PRR16: variants seen among roughly 807,000 people sequenced by gnomAD.
The protein encoded by PRR16 is proline rich 16.
In PRR16, 6 loss-of-function variants were observed where a neutral mutation model predicts 18.2. The observed-to-expected ratio is 0.33, with a 90% CI of 0.18 to 0.65. The LOEUF (loss-of-function observed/expected upper bound fraction) is 0.65. Among genes scored for constraint, PRR16 ranks in the 30% least tolerant of loss-of-function variants. The probability of loss-of-function intolerance (pLI) is 0.74; values close to 1 mark genes in which losing one functional copy is unlikely to be tolerated. For synonymous variants in PRR16, 151 were observed against 147.8 expected (o/e 1.02, Z -0.16); for missense variants, 412 against 376.6 (o/e 1.09, Z -0.78).
At chr5:120,627,039 T>C (rs1310850093) in intron 1 of PRR16, among the ~76,000 whole-genome samples, 1 of 152,142 alleles carries the variant, frequency 6.6e-6, no homozygotes, top group African/African-American at 2.4e-5. Flanking sequence ...CCACTACCTG[T>C]ACCCTGGGTG....
the PRR16 span, among the ~76,000 whole-genome samples, chr5:120,793,463 G>A: frequency 6.6e-6 from 1 of 152,130 alleles, no homozygotes; most frequent in Admixed American, 6.5e-5. Context: ...GATAAAAAGG[G>A]AAAAATCATG....
intron 1 of PRR16, among the ~76,000 whole-genome samples, chr5:120,489,887 A>T (rs1749962766): frequency 1.3e-5 from 2 of 152,046 alleles, no homozygotes. Flanking sequence ...TCTGTAAAGT[A>T]TTTTATTTCT....
chr5:120,624,950 T>TCTG (rs1305753335), intron 1 of PRR16, among the ~76,000 whole-genome samples: 1 of 152,172 alleles, frequency 6.6e-6, no homozygotes, highest in East Asian at 1.9e-4. Flanking sequence ...TCTTCCCTTG[T>TCTG]CTGCCACCAT....
intron 1 of PRR16, among the ~76,000 whole-genome samples, chr5:120,477,323 C>A (rs56008932): frequency 2.6e-5 from 4 of 151,940 alleles, no homozygotes; most frequent in Admixed American, 6.6e-5. Flanking sequence ...GGATCTCCCC[C>A]CTCCCACAAA....
At chr5:120,632,330 C>G (rs1338152194) in intron 1 of PRR16, among the ~76,000 whole-genome samples, 1 of 151,974 alleles carries the variant, frequency 6.6e-6, no homozygotes, top group African/African-American at 2.4e-5. Flanking sequence ...CTTTAACACC[C>G]CCAAAATTTT....
chr5:120,709,388 T>C, the PRR16 span, among the ~76,000 whole-genome samples: 1 of 152,194 alleles, frequency 6.6e-6, no homozygotes, highest in African/African-American at 2.4e-5. Flanking sequence ...TTCATATTTA[T>C]GGGGTACATG....
intron 1 of PRR16, among the ~76,000 whole-genome samples, chr5:120,601,674 C>A (rs1312389328): frequency 6.6e-6 from 1 of 151,748 alleles, no homozygotes; most frequent in Non-Finnish European, 1.5e-5. Context: ...CCTAGGTTTT[C>A]TTCTAGAATT....
At chr5:120,701,536 C>T in the PRR16 span, among the ~76,000 whole-genome samples, 1 of 151,930 alleles carries the variant, frequency 6.6e-6, no homozygotes. Flanking sequence ...AGTCACGGAA[C>T]GAAACTGAAA....
intron 1 of PRR16, among the ~76,000 whole-genome samples, chr5:120,623,195 G>GA (rs575518306): frequency 2.6e-4 from 40 of 151,960 alleles, no homozygotes; most frequent in African/African-American, 9.6e-4. Context: ...AGTGAGGAAA[G>GA]AAAAAAACAT....
At chr5:120,774,798 C>A in the PRR16 span, among the ~76,000 whole-genome samples, 1 of 152,078 alleles carries the variant, frequency 6.6e-6, no homozygotes, top group Non-Finnish European at 1.5e-5. Flanking sequence ...CAAGGGAGTC[C>A]ATGAATAGCC....
chr5:120,622,375 G>C (rs978612008), intron 1 of PRR16, among the ~76,000 whole-genome samples: 2 of 152,074 alleles, frequency 1.3e-5, no homozygotes, highest in Non-Finnish European at 2.9e-5. Context: ...AGCTGAAGTT[G>C]TGTCTTATTC....
chr5:120,490,069 C>G (rs1749970818), intron 1 of PRR16, among the ~76,000 whole-genome samples: 1 of 152,202 alleles, frequency 6.6e-6, no homozygotes, highest in Non-Finnish European at 1.5e-5. Flanking sequence ...ACCTTTCTCT[C>G]TGGCTGCCCT....
At chr5:120,632,767 CTGAG>C (rs1426620932) in intron 1 of PRR16, among the ~76,000 whole-genome samples, 2 of 152,066 alleles carry the variant, frequency 1.3e-5, no homozygotes, top group Non-Finnish European at 2.9e-5. Flanking sequence ...ATCAGTGTTC[CTGAG>C]TAAGAAGAGA....
intron 1 of PRR16, among the ~76,000 whole-genome samples, chr5:120,547,317 A>G (rs914066304): frequency 1.3e-5 from 2 of 152,084 alleles, no homozygotes; most frequent in Non-Finnish European, 2.9e-5. Flanking sequence ...ATACTCCTAG[A>G]GTCTTAAATC....
At chr5:120,667,471 T>G (rs1414368563) in intron 1 of PRR16, among the ~76,000 whole-genome samples, 1 of 151,832 alleles carries the variant, frequency 6.6e-6, no homozygotes, top group East Asian at 1.9e-4. Context: ...CTGCTCTGAT[T>G]TTAGTTATTT....
At chr5:120,701,337 C>A in the PRR16 span, among the ~76,000 whole-genome samples, 18 of 152,150 alleles carry the variant, frequency 1.2e-4, no homozygotes, top group African/African-American at 4.3e-4. Flanking sequence ...CTTTTAGGGT[C>A]TAGGGCTGTA....
chr5:120,484,309 T>C (rs1270347293), intron 1 of PRR16, among the ~76,000 whole-genome samples: 1 of 146,340 alleles, frequency 6.8e-6, no homozygotes, highest in Admixed American at 7.0e-5. Context: ...TAATATATAA[T>C]ATATAATTTA....
At chr5:120,628,050 A>G (rs1754925303) in intron 1 of PRR16, among the ~76,000 whole-genome samples, 1 of 152,086 alleles carries the variant, frequency 6.6e-6, no homozygotes, top group South Asian at 2.1e-4. Context: ...CATGTATCCT[A>G]TAATCACTTT....
At chr5:120,593,995 C>T (rs1175120209) in intron 1 of PRR16, among the ~76,000 whole-genome samples, 2 of 151,854 alleles carry the variant, frequency 1.3e-5, no homozygotes, top group Non-Finnish European at 1.5e-5. Flanking sequence ...ACAGAAGGAA[C>T]GTACTTCAAA....
Sources: allele counts gnomAD v4.1 joint callset (sites outside exome capture counted in the v4.1 genomes callset), GRCh38; gene constraint gnomAD v4.1.1; transcripts MANE v1.5; gene names NCBI Gene and HGNC (gene_info 2026-07-23, HGNC 2026-07-21).